TTC31: variants seen among roughly 807,000 people sequenced by gnomAD.
TTC31 encodes tetratricopeptide repeat domain 31.
TTC31 carries 59 observed loss-of-function variants against 60.4 expected under a neutral mutation model. The ratio of observed to expected loss-of-function variants is 0.98; its 90% CI spans 0.79 to 1.21. The LOEUF (loss-of-function observed/expected upper bound fraction) is 1.21. Ranked by LOEUF, TTC31 falls within the 50% of genes most tolerant of loss-of-function variation. The probability of loss-of-function intolerance (pLI) is 0.00; values close to 1 mark genes in which losing one functional copy is unlikely to be tolerated. For missense variants in TTC31, 672 were observed against 646.9 expected, an observed-to-expected ratio of 1.04 and a Z score of -0.42; for synonymous variants, 225 against 249.6, an observed-to-expected ratio of 0.90 and a Z score of 0.93.
rs1197796281 is a variant in TTC31 at position 74,483,338 on chromosome 2, C to T, written c.57C>T (p.Pro19=). 4 of 1,614,218 alleles carry T rather than the reference C, an allele frequency of 2.5e-6. No individual in the cohort carries two copies. The highest frequency in any genetic ancestry group is 3.3e-5 in the Admixed American group (2 of 60,030). The change falls in exon 2 of 13, where the codon CCC becomes CCT. Residue 19 remains proline (P), a synonymous_variant. Transcript: ENST00000233623. ...GRIKLDCSLR[P]SCPLEVAAAP... ...TTCCTGTAGACTGCTCTCTACGGCC[C>T]AGCTGCCCACTGGAGGTCGCTGCTG...
intron 8 of TTC31, 53 bp downstream of exon 8, chr2:74,491,725 A>T (rs1432254120): frequency 1.3e-6 from 2 of 1,588,452 alleles, no homozygotes; most frequent in Non-Finnish European, 1.7e-6. Context: ...GGGCACAAGG[A>T]GCTGCTGGGG....
rs1402391095 is a variant in TTC31 at position 74,490,043 on chromosome 2, C to T, written c.148C>T (p.Arg50Ter). ...YGEEDIVDFL[R>*]RLVESDPQGL... Reference sequence around the variant, plus strand: ...CTCCCAGGACATAGTGGATTTTCTTCGACGGCTTGTGGAGAGTGATCCCCA... The same window carrying T: ...CTCCCAGGACATAGTGGATTTTCTTTGACGGCTTGTGGAGAGTGATCCCCA... The change falls in exon 3 of 13, where the codon CGA becomes TGA. Residue 50 changes from arginine (R) to a stop codon, truncating the protein, a stop_gained. Transcript: ENST00000233623. LOFTEE classifies it high-confidence loss of function. 2.4e-5 allele frequency: 35 copies of T among 1,436,466 alleles called. No individual in the cohort carries two copies. The highest frequency in any genetic ancestry group is 4.1e-5 in the Admixed American group (2 of 48,482). The allele number at this position is 1,436,466 out of a possible 1,614,324, so 89.0% of individuals were successfully genotyped here.
Position 74,492,436 on chromosome 2 carries a change from G to T in TTC31, c.1152G>T (p.Met384Ile). ...RGLFRLGKAL[M>I]GLQRFREAAA... is the part of the protein sequence containing the mutation. ...TCTTCCGCCTGGGCAAGGCCTTGAT[G>T]GGACTACAGGTAATAGGTCTGGGGC... The change falls in exon 11 of 13, where the codon ATG (methionine) becomes ATT (isoleucine). Residue 384 changes from methionine (M) to isoleucine (I), a missense_variant. By Grantham distance (10) the Met-to-Ile change is conservative (BLOSUM62 1). Transcript: ENST00000233623. 1 of 1,521,854 alleles carries T rather than the reference G, an allele frequency of 6.6e-7. No homozygotes were observed. Among genetic ancestry groups the T allele is most frequent in the Non-Finnish European group, 8.8e-7 (1 of 1,136,068 alleles). 94.3% of individuals were successfully genotyped at this position (1,521,854 alleles called of 1,614,324 possible). A position where few individuals can be genotyped will look rare whatever the true frequency, so the allele number is the denominator to read the frequency against.
chr2:74,490,182 G>T, intron 3 of TTC31, 55 bp downstream of exon 3: 1 of 1,610,954 alleles, frequency 6.2e-7, no homozygotes, highest in Non-Finnish European at 8.5e-7. Context: ...TGGGAGGGCT[G>T]ACCCTCAGAT....
chr2:74,491,595 C>G lies in TTC31; in HGVS notation c.799C>G (p.Leu267Val), dbSNP rs780879603. Reference protein sequence around the residue: ...GLNQEPQGRGLALQKMGQEEE... With the variant: ...GLNQEPQGRGVALQKMGQEEE... Reference sequence around the variant, plus strand: ...GAACCAGGAGCCCCAAGGCAGGGGTCTGGCCCTCCAGAAGATGGGTCAAGA... The same window carrying G: ...GAACCAGGAGCCCCAAGGCAGGGGTGTGGCCCTCCAGAAGATGGGTCAAGA... The change falls in exon 8 of 13, where the codon CTG becomes GTG. Residue 267 changes from leucine to valine, a missense_variant. Coordinates refer to ENST00000233623, the MANE Select transcript of TTC31 (RefSeq NM_022492.6). The G allele has an allele frequency of 1.2e-6, 2 of 1,614,216 alleles. No individual in the cohort carries two copies. The highest frequency in any genetic ancestry group is 4.5e-5 in the East Asian group (2 of 44,888).
chr2:74,486,630 C>T (rs1482220483), intron 2 of TTC31, among the ~76,000 whole-genome samples: 4 of 152,164 alleles, frequency 2.6e-5, no homozygotes, highest in Admixed American at 6.5e-5. Context: ...TGGTGGCTCA[C>T]GCCTGTAATC....
rs1253789702 is a variant in TTC31 at position 74,490,246 on chromosome 2, T to A, written c.235T>A (p.Tyr79Asn). ...TGTCTCTTTCTCCCTCCTGACAGAT[T>A]ACCTCCTGGGCCACTTGGATGATGA... The part of the protein sequence containing the change: ...SGRLQLWHHD[Y>N]LLGHLDDEGK... The change falls in exon 4 of 13, where the codon TAC becomes AAC. Residue 79 changes from tyrosine to asparagine, a missense_variant and splice_region_variant. Transcript: ENST00000233623. 1 of 1,613,630 alleles carries A rather than the reference T, an allele frequency of 6.2e-7. No homozygotes were observed. Among genetic ancestry groups the A allele is most frequent in the Non-Finnish European group, 8.5e-7 (1 of 1,179,664 alleles).
chr2:74,492,847 A>T, intron 12 of TTC31, 75 bp from the exon 13 acceptor site: 1 of 1,583,576 alleles, frequency 6.3e-7, no homozygotes, highest in South Asian at 1.1e-5. Flanking sequence ...GGGGCGGGGA[A>T]GGATGGGTGG....
In TTC31 at chr2:74,491,395, C is replaced by T. The variant is rs183761905; in HGVS notation, c.684+20C>T. 528 of 1,614,084 alleles carry T rather than the reference C, an allele frequency of 3.3e-4. 3 individuals are homozygous for T. The Admixed American group carries it at 4.1e-3, about 13-fold the overall frequency. The stretch of plus-strand genomic sequence containing the variant: ...GAAGAGGTGAGAGCCCCTTTTTTCC[C>T]TTCTTGGTCTCTGCTCATTTTCCTC... On this transcript the variant is annotated intron_variant, in intron 7 of 12. Coordinates refer to ENST00000233623, the MANE Select transcript of TTC31 (RefSeq NM_022492.6).
At chr2:74,487,201 A>G (rs1673219775) in intron 2 of TTC31, among the ~76,000 whole-genome samples, 1 of 152,214 alleles carries the variant, frequency 6.6e-6, no homozygotes, top group African/African-American at 2.4e-5. Context: ...GACAGGTAGT[A>G]GAAGGTCAAG....
chr2:74,490,417 G>A lies in TTC31; in HGVS notation c.406G>A (p.Val136Ile), dbSNP rs201385202. Residue 136 changes from valine to isoleucine, a missense_variant, in exon 4 of 13, where the codon GTC becomes ATC. Coordinates refer to ENST00000233623, the MANE Select transcript of TTC31 (RefSeq NM_022492.6). ...SPSASATFPS[V>I]SDSLLQVAMP... is the part of the protein sequence containing the mutation. ...CTCTGCCTCTGCCACCTTCCCCAGTGTCTCAGACAGCCTGCTTCAGGTGGC... is the reference window on the plus strand; with the variant it reads ...CTCTGCCTCTGCCACCTTCCCCAGTATCTCAGACAGCCTGCTTCAGGTGGC... 3.3e-5 allele frequency: 53 copies of A among 1,613,714 alleles called. No individual in the cohort carries two copies. The highest frequency in any genetic ancestry group is 4.2e-6 in the Non-Finnish European group (5 of 1,179,918).
Position 74,490,683 on chromosome 2 carries a change from G to C in TTC31, c.490G>C (p.Val164Leu). The change falls in exon 5 of 13, where the codon GTG becomes CTG. Residue 164 changes from valine (V) to leucine (L), a missense_variant. Physicochemically the swap from Val to Leu is conservative, Grantham distance 32. Coordinates refer to ENST00000233623, the MANE Select transcript of TTC31 (RefSeq NM_022492.6). Reference sequence around the variant, plus strand: ...AGCCAATCGCCTGGCTGAGGAGCTGGTGGCTGAGGAGGAGCGCATGAAACA... The same window carrying C: ...AGCCAATCGCCTGGCTGAGGAGCTGCTGGCTGAGGAGGAGCGCATGAAACA... ...EEANRLAEEL[V>L]AEEERMKQKA... is the part of the protein sequence containing the mutation. 2 of 1,613,954 alleles carry C rather than the reference G, an allele frequency of 1.2e-6. No individual in the cohort carries two copies. The highest frequency in any genetic ancestry group is 1.7e-6 in the Non-Finnish European group (2 of 1,179,974).
In TTC31 at chr2:74,493,552, G is replaced by A. The variant is rs1674181122; in HGVS notation, c.*334G>A. ...CATCTGGGCCTTTCTCTTCCTCTTG[G>A]TCCAGGGGACCTCATTCACCAACTA... On this transcript the variant is annotated 3_prime_UTR_variant, in exon 13 of 13. Transcript: ENST00000233623. 8.9e-6 allele frequency: 2 copies of A among 225,322 alleles called. No individual in the cohort carries two copies. 14.0% of individuals were successfully genotyped at this position (225,322 alleles called of 1,614,324 possible).
In TTC31 at chr2:74,490,861, G is replaced by T. The variant is rs1464558656; in HGVS notation, c.546+122G>T. The T allele has an allele frequency of 8.3e-6, 9 of 1,079,214 alleles. No homozygotes were observed. In the Admixed American group the frequency reaches 1.0e-4, roughly 12 times the overall value. 66.9% of individuals were successfully genotyped at this position (1,079,214 alleles called of 1,614,324 possible). On this transcript the variant is annotated intron_variant, in intron 5 of 12. Coordinates refer to ENST00000233623, the MANE Select transcript of TTC31 (RefSeq NM_022492.6). The stretch of plus-strand genomic sequence containing the variant: ...CTGCAGTGGACTCTCTTGCCAGGAG[G>T]ACACAAGGGGCCCAGGGACTGGGGG...
rs1331389177 is a variant in TTC31, at chr2:74,493,217, G to T, written c.1559G>T (p.Ter520LeuextTer7). 2.5e-6 allele frequency: 4 copies of T among 1,613,964 alleles called. No homozygotes were observed. The highest frequency in any genetic ancestry group is 1.3e-5 in the African/African-American group (1 of 74,938). The change falls in exon 13 of 13, where the codon TGA (stop) becomes TTA (leucine). Residue 520 changes from the stop codon to leucine, a stop_lost. Transcript: ENST00000233623. ...CTCCAGCATCTGTCTCAGGCCAGAT[G>T]AGGGGGCACCGGTCCCTCATAGGGC... ...LGLQHLSQAR[*>L] is the part of the protein sequence containing the mutation.
rs2104290823 is a variant in TTC31 at position 74,494,326 on chromosome 2, GT to G, written c.*1111del. 6.6e-6 allele frequency: 1 copy of G among 152,304 alleles called. No homozygotes were observed. The highest frequency in any genetic ancestry group is 1.9e-4 in the East Asian group (1 of 5,190). 9.4% of individuals were successfully genotyped at this position (152,304 alleles called of 1,614,324 possible). On this transcript the variant is annotated 3_prime_UTR_variant, in exon 13 of 13. Coordinates refer to ENST00000233623, the MANE Select transcript of TTC31 (RefSeq NM_022492.6). Reference sequence around the variant, plus strand: ...TGACTTTCCCAAATTTTTAAAAATTGTTTATGGTTTAGGCCCCTTAAATACT... The same window carrying G: ...TGACTTTCCCAAATTTTTAAAAATTGTTATGGTTTAGGCCCCTTAAATACT...
At chr2:74,483,443 C>T (rs1457524807) in intron 2 of TTC31, 33 bp downstream of exon 2, 12 of 1,613,960 alleles carry the variant, frequency 7.4e-6, no homozygotes, top group African/African-American at 1.3e-5. Flanking sequence ...CCCAGTCCTG[C>T]TCATTTTGGT....
At position 74,492,333 on chromosome 2, in the gene TTC31, A is replaced by C. The variant is rs1261298871; in HGVS notation, c.1049A>C (p.Glu350Ala). The change falls in exon 11 of 13, where the codon GAG (glutamate) becomes GCG (alanine). Residue 350 changes from glutamate to alanine, a missense_variant. Glu to Ala is a moderately radical substitution (Grantham distance 107). Transcript: ENST00000233623. ...RLFGNRSFCH[E>A]RLGQPAWALA... ...TTTGGAAATCGTTCCTTCTGCCATG[A>C]GCGGTTGGGTCAGCCAGCGTGGGCC... The C allele has an allele frequency of 6.3e-7, 1 of 1,579,568 alleles. No individual in the cohort carries two copies. Among genetic ancestry groups the C allele is most frequent in the Non-Finnish European group, 8.6e-7 (1 of 1,158,998 alleles).
Position 74,492,395 on chromosome 2 carries a change from G to A in TTC31, c.1111G>A (p.Gly371Ser). ...DAQVALTLRP[G>S]WPRGLFRLGK... ...CCAGGTGGCCCTTACCCTACGGCCT[G>A]GCTGGCCCCGGGGCCTCTTCCGCCT... Residue 371 changes from glycine to serine, a missense_variant, in exon 11 of 13, where the codon GGC (glycine) becomes AGC (serine). Coordinates refer to ENST00000233623, the MANE Select transcript of TTC31 (RefSeq NM_022492.6). The A allele has an allele frequency of 6.5e-7, 1 of 1,528,738 alleles. No individual in the cohort carries two copies. The highest frequency in any genetic ancestry group is 1.4e-5 in the African/African-American group (1 of 72,226). 94.7% of individuals were successfully genotyped at this position (1,528,738 alleles called of 1,614,324 possible).
Sources: allele counts gnomAD v4.1 joint callset (sites outside exome capture counted in the v4.1 genomes callset), GRCh38; gene constraint gnomAD v4.1.1; transcripts MANE v1.5; gene names NCBI Gene and HGNC (gene_info 2026-07-23, HGNC 2026-07-21).